Variants in SPECC1 observed in about 807,000 individuals in gnomAD.
SPECC1 encodes the protein sperm antigen with calponin homology and coiled-coil domains 1.
Under a neutral mutation model 104.1 loss-of-function variants are expected in SPECC1, and 62 were observed. The observed-to-expected ratio is 0.60, with a 90% confidence interval of 0.49 to 0.74. The LOEUF is 0.74. SPECC1 is among the 30% of genes least tolerant of loss of function. The pLI is 0.00. For synonymous variants in SPECC1, 513 were observed against 501.6 expected, an observed-to-expected ratio of 1.02 and a Z score of -0.30; for missense variants, 1,306 against 1,310.5, an observed-to-expected ratio of 1.00 and a Z score of 0.05.
chr17:20,127,843 T>C (rs2049398725), intron 3 of SPECC1, among the ~76,000 whole-genome samples: 1 of 152,122 alleles, frequency 6.6e-6, no homozygotes, highest in Admixed American at 6.5e-5. Flanking sequence ...CTGTTTCCCT[T>C]GTGTGGCCTT....
At chr17:20,252,366 A>G (rs1330830671) in intron 9 of SPECC1, among the ~76,000 whole-genome samples, 1 of 152,136 alleles carries the variant, frequency 6.6e-6, no homozygotes, top group Non-Finnish European at 1.5e-5. Context: ...GATTGATCCC[A>G]TCACCCAAGT....
chr17:20,145,449 G>A (rs140659196), intron 3 of SPECC1, among the ~76,000 whole-genome samples: 2,014 of 152,216 alleles, frequency 0.013, 22 homozygotes, highest in Non-Finnish European at 0.02. Flanking sequence ...CTTTTTGGTC[G>A]ACCACCCTGA....
At chr17:20,188,952 A>G (rs890069944) in intron 3 of SPECC1, among the ~76,000 whole-genome samples, 1 of 152,144 alleles carries the variant, frequency 6.6e-6, no homozygotes, top group Non-Finnish European at 1.5e-5. Context: ...AGGTGAATTT[A>G]TTATGTTTTC....
chr17:20,068,814 T>G (rs951866024), intron 1 of SPECC1, among the ~76,000 whole-genome samples: 1 of 152,234 alleles, frequency 6.6e-6, no homozygotes, highest in African/African-American at 2.4e-5. Flanking sequence ...GAAATACCTG[T>G]TCAGATCCTT....
At chr17:20,132,963 T>C (rs1490170483) in intron 3 of SPECC1, among the ~76,000 whole-genome samples, 2 of 152,044 alleles carry the variant, frequency 1.3e-5, no homozygotes, top group Non-Finnish European at 2.9e-5. Flanking sequence ...ATGGTCTCGA[T>C]CTCCTGACCT....
At chr17:20,068,215 C>A (rs2046427930) in intron 1 of SPECC1, among the ~76,000 whole-genome samples, 2 of 152,208 alleles carry the variant, frequency 1.3e-5, no homozygotes, top group South Asian at 4.1e-4. Context: ...CCTGCTTCAG[C>A]CTCCCAAAGT....
At chr17:20,071,815 ACACT>A (rs367929026) in intron 1 of SPECC1, among the ~76,000 whole-genome samples, 243 of 145,024 alleles carry the variant, frequency 1.7e-3, no homozygotes, top group Middle Eastern at 6.9e-3. Flanking sequence ...AAAGTAAATG[ACACT>A]CAGTCTGAGA....
intron 4 of SPECC1, among the ~76,000 whole-genome samples, chr17:20,215,771 G>A (rs1167648134): frequency 6.6e-6 from 1 of 152,152 alleles, no homozygotes; most frequent in Non-Finnish European, 1.5e-5. Context: ...TTTATATATT[G>A]ATAATGTTGG....
intron 4 of SPECC1, among the ~76,000 whole-genome samples, chr17:20,226,908 T>G (rs2526479): frequency 0.7 from 106,697 of 151,778 alleles, 39,053 homozygotes; most frequent in East Asian, 0.99. Context: ...GGCTTCAGGG[T>G]TGTTGTTCAC....
At chr17:20,134,979 C>A (rs2049846492) in intron 3 of SPECC1, among the ~76,000 whole-genome samples, 1 of 152,170 alleles carries the variant, frequency 6.6e-6, no homozygotes, top group African/African-American at 2.4e-5. Context: ...CCACTGAATT[C>A]ATGGAATATT....
chr17:20,147,873 A>T (rs978868881), intron 3 of SPECC1, among the ~76,000 whole-genome samples: 2 of 152,170 alleles, frequency 1.3e-5, no homozygotes, highest in Non-Finnish European at 2.9e-5. Context: ...CCATATCTAT[A>T]AAACATTTAA....
chr17:20,233,625 C>T (rs2038733322), intron 7 of SPECC1, among the ~76,000 whole-genome samples: 1 of 152,200 alleles, frequency 6.6e-6, no homozygotes, highest in South Asian at 2.1e-4. Flanking sequence ...TCTTCTGCCT[C>T]AGCCTTCTGA....
At position 20,124,593 on chromosome 17, in the gene SPECC1, T is replaced by TA. The variant is rs547045250; in HGVS notation, c.283+14039dup. Among the ~76,000 whole-genome samples, 284 of 152,200 alleles carry TA rather than the reference T, an allele frequency of 1.9e-3. 1 individual carries two copies. Among genetic ancestry groups the TA allele is most frequent in the Middle Eastern group, 6.8e-3 (2 of 294 alleles). On this transcript the variant is annotated intron_variant, in intron 3 of 14. Transcript: ENST00000395527. ...ATTTATCAATGAGTATATTTTGTGA[T>TA]AAAAAAAATTTCAGATTCGGTATAG...
chr17:20,138,997 G>T (rs2030394131), intron 3 of SPECC1, among the ~76,000 whole-genome samples: 1 of 152,190 alleles, frequency 6.6e-6, no homozygotes, highest in African/African-American at 2.4e-5. Context: ...CTGGTTAGCT[G>T]CAGCAATTCA....
At chr17:20,078,051 ACT>A (rs1244754328) in intron 1 of SPECC1, among the ~76,000 whole-genome samples, 3 of 151,806 alleles carry the variant, frequency 2.0e-5, no homozygotes, top group African/African-American at 4.8e-5. Flanking sequence ...TATATAGATG[ACT>A]CTATATACAT....
chr17:20,019,980 T>C (rs1041034745), intron 1 of SPECC1, among the ~76,000 whole-genome samples: 1 of 152,238 alleles, frequency 6.6e-6, no homozygotes, highest in African/African-American at 2.4e-5. Flanking sequence ...CATAGTTATA[T>C]ACCCCATGTC....
chr17:20,241,401 A>G (rs2703781), intron 7 of SPECC1, among the ~76,000 whole-genome samples: 66,764 of 152,012 alleles, frequency 0.44, 15,226 homozygotes, highest in East Asian at 0.8. Flanking sequence ...ATCCTTTGCC[A>G]AAACGCCGTG....
intron 3 of SPECC1, among the ~76,000 whole-genome samples, chr17:20,184,144 G>A (rs1362076408): frequency 6.9e-6 from 1 of 144,386 alleles, no homozygotes; most frequent in East Asian, 2.0e-4. Context: ...TTGTGCCACT[G>A]CACTCCGGCC....
intron 12 of SPECC1, among the ~76,000 whole-genome samples, chr17:20,277,097 G>C (rs1358715881): frequency 6.6e-6 from 1 of 152,246 alleles, no homozygotes; most frequent in African/African-American, 2.4e-5. Flanking sequence ...TGCTGAGAAA[G>C]CAAGATGGAC....
Sources: gnomAD v4.1 joint callset for allele counts (sites outside exome capture counted in the v4.1 genomes callset) on GRCh38, gnomAD v4.1.1 for gene constraint, MANE v1.5 for transcripts, NCBI Gene and HGNC (gene_info 2026-07-23, HGNC 2026-07-21) for gene names.